PLEKHA8: variants seen among roughly 807,000 people sequenced by gnomAD.
The protein encoded by PLEKHA8 is pleckstrin homology domain-containing family A member 8.
In PLEKHA8, 36 loss-of-function variants were observed where a neutral mutation model predicts 68.2. The ratio of observed to expected loss-of-function variants is 0.53; its 90% CI spans 0.40 to 0.70. The LOEUF is 0.70. Ranked by LOEUF, PLEKHA8 falls within the 30% of genes least tolerant of loss-of-function variation. PLEKHA8 has a pLI of 0.00. For synonymous variants in PLEKHA8, 211 were observed against 216.1 expected (o/e 0.98, Z 0.20); for missense variants, 505 against 615.4 (o/e 0.82, Z 1.90).
At chr7:30,090,667 C>G (rs1327095554) in exon 13 of PLEKHA8, 2 of 568,076 alleles carry the variant, frequency 3.5e-6, no homozygotes, top group East Asian at 1.4e-4. Flanking sequence ...AGACTTGATA[C>G]TGTCTCAACT....
intron 8 of PLEKHA8, 101 bp downstream of exon 8, chr7:30,054,966 A>C (rs1792720619): frequency 8.3e-7 from 1 of 1,199,390 alleles, no homozygotes; most frequent in Non-Finnish European, 1.2e-6. Flanking sequence ...TTCTAGGAGA[A>C]TAGAGAATGT....
chr7:30,070,547 CTTT>C (rs34425647), intron 12 of PLEKHA8, among the ~76,000 whole-genome samples: 7 of 137,304 alleles, frequency 5.1e-5, no homozygotes, highest in Admixed American at 7.4e-5. Flanking sequence ...GAATCCAGAG[CTTT>C]TTTTTTTTTT....
chr7:30,079,291 C>G lies in PLEKHA8; in HGVS notation c.*504C>G. ...TCAGTGGACCCTCTTCACTGCAACT[C>G]TGTCAGTGATAAGGGCCTGTGTAGT... is the stretch of plus-strand genomic sequence containing the variant. On this transcript the variant is annotated 3_prime_UTR_variant, in exon 14 of 14. Transcript: ENST00000449726. 1 of 988,858 alleles carries G rather than the reference C, an allele frequency of 1.0e-6. No individual in the cohort carries two copies. The highest frequency in any genetic ancestry group is 4.6e-5 in the South Asian group (1 of 21,530). The allele number at this position is 988,858 out of a possible 1,614,324, so 61.3% of individuals were successfully genotyped here.
chr7:30,050,408 C>CT, intron 5 of PLEKHA8, 26 bp from the exon 6 acceptor site: 1 of 1,561,746 alleles, frequency 6.4e-7, no homozygotes, highest in Non-Finnish European at 8.7e-7. Context: ...AACATGTGAA[C>CT]TTTCCTTTCT....
chr7:30,034,664 GGAGGCA>G (rs1274970550), intron 1 of PLEKHA8, among the ~76,000 whole-genome samples: 4 of 152,162 alleles, frequency 2.6e-5, no homozygotes, highest in African/African-American at 7.2e-5. Context: ...TTCACATTGA[GGAGGCA>G]GAGGAAGAGG....
chr7:30,121,586 G>A (rs936745264), intron 13 of PLEKHA8, among the ~76,000 whole-genome samples: 4 of 151,924 alleles, frequency 2.6e-5, no homozygotes, highest in Non-Finnish European at 4.4e-5. Flanking sequence ...CAGAGATTGC[G>A]CCACTGCACT....
At chr7:30,041,302 A>G (rs1791512767) in intron 1 of PLEKHA8, among the ~76,000 whole-genome samples, 2 of 152,372 alleles carry the variant, frequency 1.3e-5, no homozygotes, top group East Asian at 3.9e-4. Context: ...TACAAAGGAC[A>G]GAATAAAATT....
Position 30,079,136 on chromosome 7 carries a change from A to G in PLEKHA8, c.*349A>G. 1 of 1,021,926 alleles carries G rather than the reference A, an allele frequency of 9.8e-7. No homozygotes were observed. The highest frequency in any genetic ancestry group is 1.2e-6 in the Non-Finnish European group (1 of 852,702). The allele number at this position is 1,021,926 out of a possible 1,614,324, so 63.3% of individuals were successfully genotyped here. A position where few individuals can be genotyped will look rare whatever the true frequency, so the allele number is the denominator to read the frequency against. On this transcript the variant is annotated 3_prime_UTR_variant, in exon 14 of 14. Transcript: ENST00000449726. The stretch of plus-strand genomic sequence containing the variant: ...TAATGGGCCACCCAAACCCAAGCTG[A>G]AAATCAGCAAATTCCATATTAAGTA...
In PLEKHA8 at chr7:30,039,958, A is replaced by G. The variant is rs376885874; in HGVS notation, c.41-5127A>G. On this transcript the variant is annotated intron_variant, in intron 1 of 13. Transcript: ENST00000449726. Reference sequence around the variant, plus strand: ...AAGCAAACATCTTGTCTTGTTTCCAATCTTTGAGGGGAAGCATCCTGTTTT... The same window carrying G: ...AAGCAAACATCTTGTCTTGTTTCCAGTCTTTGAGGGGAAGCATCCTGTTTT... 1.4e-4 allele frequency among the ~76,000 whole-genome samples: 21 copies of G among 152,144 alleles called. 1 individual carries two copies. Among genetic ancestry groups the G allele is most frequent in the East Asian group, 5.8e-4 (3 of 5,194 alleles).
chr7:30,119,456 T>G (rs1796659984), intron 13 of PLEKHA8, among the ~76,000 whole-genome samples: 1 of 152,140 alleles, frequency 6.6e-6, no homozygotes, highest in South Asian at 2.1e-4. Flanking sequence ...TGAGATAATG[T>G]CTCAAAGCCG....
intron 13 of PLEKHA8, among the ~76,000 whole-genome samples, chr7:30,099,349 T>C (rs1329322873): frequency 2.0e-5 from 3 of 152,176 alleles, no homozygotes; most frequent in Non-Finnish European, 2.9e-5. Flanking sequence ...ATGTGCAGTG[T>C]AGTAATGGAC....
At chr7:30,069,175 T>C (rs1794068021) in intron 12 of PLEKHA8, among the ~76,000 whole-genome samples, 1 of 152,216 alleles carries the variant, frequency 6.6e-6, no homozygotes, top group African/African-American at 2.4e-5. Flanking sequence ...GCAAGCACAC[T>C]TCCCCGGTGC....
rs1562558618 is a variant in PLEKHA8 at position 30,115,976 on chromosome 7, GCA to G, written c.1363-13289_1363-13288del. The G allele has an allele frequency of 3.5e-4, 37 of 107,074 alleles. 1 individual carries two copies. Among genetic ancestry groups the G allele is most frequent in the African/African-American group, 1.2e-3 (34 of 28,746 alleles). 6.6% of individuals were successfully genotyped at this position (107,074 alleles called of 1,614,324 possible). ...CATACATGCATGCATACATGTGCAT[GCA>G]TGCATGTATGCATACGCATACATAC... On this transcript the variant is annotated intron_variant, in intron 13 of 13. Transcript: ENST00000396257.
intron 13 of PLEKHA8, among the ~76,000 whole-genome samples, chr7:30,109,586 CAA>C (rs1166200858): frequency 0.015 from 622 of 41,434 alleles, no homozygotes; most frequent in Non-Finnish European, 0.02. Flanking sequence ...AACTCTGTCT[CAA>C]AAAAAAAAAA....
At chr7:30,095,963 C>A (rs1031159817) in intron 13 of PLEKHA8, among the ~76,000 whole-genome samples, 14 of 152,126 alleles carry the variant, frequency 9.2e-5, no homozygotes, top group Non-Finnish European at 1.8e-4. Context: ...TAGCGTGATG[C>A]CTCCAGCTTT....
At chr7:30,116,166 GTGTATACATA>G (rs1372500245) in intron 13 of PLEKHA8, among the ~76,000 whole-genome samples, 4 of 150,002 alleles carry the variant, frequency 2.7e-5, no homozygotes, top group East Asian at 2.0e-4. Context: ...ACGTATACAT[GTGTATACATA>G]TGTATACATA....
At chr7:30,108,959 C>G (rs1237436539) in intron 13 of PLEKHA8, among the ~76,000 whole-genome samples, 1 of 152,210 alleles carries the variant, frequency 6.6e-6, no homozygotes, top group Non-Finnish European at 1.5e-5. Context: ...CATGGTGGCA[C>G]TAGAAGAGCC....
At chr7:30,086,251 T>C (rs1795177006), downstream of PLEKHA8, among the ~76,000 whole-genome samples, 1 of 152,218 alleles carries the variant, frequency 6.6e-6, no homozygotes, top group East Asian at 1.9e-4. Context: ...GCTCTGCTTA[T>C]TCTAAGTTGT....
downstream of PLEKHA8, among the ~76,000 whole-genome samples, chr7:30,087,890 C>T (rs1795242343): frequency 6.6e-6 from 1 of 152,216 alleles, no homozygotes; most frequent in Admixed American, 6.5e-5. Context: ...GGAAGTGTGA[C>T]TCCAAGGTAA....
Sources: gnomAD v4.1 joint callset for allele counts (sites outside exome capture counted in the v4.1 genomes callset) on GRCh38, gnomAD v4.1.1 for gene constraint, MANE v1.5 for transcripts, NCBI Gene and HGNC (gene_info 2026-07-23, HGNC 2026-07-21) for gene names.